Variants in TRIM33 observed in about 807,000 individuals in gnomAD.
The protein encoded by TRIM33 is E3 ubiquitin-protein ligase TRIM33.
A neutral mutation model predicts 125.4 loss-of-function variants in TRIM33; 20 were observed. The observed-to-expected ratio is 0.16, with a 90% confidence interval of 0.11 to 0.23. The LOEUF is 0.23. TRIM33 is among the 10% of genes least tolerant of loss of function. TRIM33 has a pLI of 1.00. For missense variants in TRIM33, 920 were observed against 1,411.4 expected, an observed-to-expected ratio of 0.65 and a Z score of 5.58; for synonymous variants, 564 against 513.9, an observed-to-expected ratio of 1.10 and a Z score of -1.32.
rs1048958124 is a variant in TRIM33 at position 114,395,919 on chromosome 1, T to C, written c.*1729A>G. On this transcript the variant is annotated 3_prime_UTR_variant, in exon 20 of 20. Coordinates refer to ENST00000358465, the MANE Select transcript of TRIM33 (RefSeq NM_015906.4). ...GAAAAACAACCCAAAGGAATTTGTATAATAATTTCTTTAGAGCACTTTATT... is the reference window on the plus strand; with the variant it reads ...GAAAAACAACCCAAAGGAATTTGTACAATAATTTCTTTAGAGCACTTTATT... 5.2e-6 allele frequency: 1 copy of C among 193,354 alleles called. No homozygotes were observed. Among genetic ancestry groups the C allele is most frequent in the Non-Finnish European group, 1.1e-5 (1 of 92,530 alleles). The allele number at this position is 193,354 out of a possible 1,614,324, so 12.0% of individuals were successfully genotyped here.
rs1651758319 is a variant in TRIM33 at position 114,399,730 on chromosome 1, T to C, written c.2968-121A>G. The C allele has an allele frequency of 8.8e-6, 7 of 798,426 alleles. No homozygotes were observed. In the East Asian group the frequency reaches 1.8e-4, roughly 21 times the overall value. The allele number at this position is 798,426 out of a possible 1,614,324, so 49.5% of individuals were successfully genotyped here. On this transcript the variant is annotated intron_variant, in intron 17 of 19. Transcript: ENST00000358465. ...TATTATAGAGCCAGCTGCTTGCAAA[T>C]TTTGAGTATAGACGTATGTACTTTA...
intron 4 of TRIM33, among the ~76,000 whole-genome samples, chr1:114,455,483 T>C (rs1649566072): frequency 6.6e-6 from 1 of 152,188 alleles, no homozygotes; most frequent in Non-Finnish European, 1.5e-5. Flanking sequence ...TGAGAAGCCT[T>C]ATCAGAAGTA....
At chr1:114,452,416 C>T (rs993220100) in intron 4 of TRIM33, among the ~76,000 whole-genome samples, 6 of 151,884 alleles carry the variant, frequency 4.0e-5, no homozygotes, top group Admixed American at 1.3e-4. Context: ...GCCCAGATCA[C>T]GCCACTACAC....
chr1:114,413,614 C>G (rs1369687579), intron 11 of TRIM33, among the ~76,000 whole-genome samples: 2 of 52,386 alleles, frequency 3.8e-5, no homozygotes, highest in Admixed American at 1.9e-4. Flanking sequence ...AGAAAAAGTC[C>G]AAAAGCAAAA....
intron 4 of TRIM33, chr1:114,460,376 T>C (rs1412767046): frequency 6.5e-6 from 1 of 153,672 alleles, no homozygotes; most frequent in African/African-American, 2.4e-5. Flanking sequence ...AGTAATCTTA[T>C]ATACAAACTT....
chr1:114,412,101 A>C (rs1652629773), intron 11 of TRIM33, among the ~76,000 whole-genome samples: 1 of 152,236 alleles, frequency 6.6e-6, no homozygotes, highest in Non-Finnish European at 1.5e-5. Flanking sequence ...CAATAATGTC[A>C]TTTTAATCCA....
rs1557912964 is a variant in TRIM33 at position 114,511,108 on chromosome 1, G to GCGCCGCCCGCCGCCCGCGTCGCCGCCGC, written c.-60_-33dup. ...CTCTTTGAACCCGCCGGACCGCCCC[G>GCGCCGCCCGCCGCCCGCGTCGCCGCCGC]CGCCGCCCGCCGCCCGCGTCGCCGC... On this transcript the variant is annotated 5_prime_UTR_variant, in exon 1 of 20. Transcript: ENST00000358465. 2 of 1,144,370 alleles carry GCGCCGCCCGCCGCCCGCGTCGCCGCCGC rather than the reference G, an allele frequency of 1.7e-6. No individual in the cohort carries two copies. Among genetic ancestry groups the GCGCCGCCCGCCGCCCGCGTCGCCGCCGC allele is most frequent in the Non-Finnish European group, 2.1e-6 (2 of 935,430 alleles). 70.9% of individuals were successfully genotyped at this position (1,144,370 alleles called of 1,614,324 possible). A position where few individuals can be genotyped will look rare whatever the true frequency, so the allele number is the denominator to read the frequency against.
At chr1:114,455,239 T>C (rs78459848) in intron 4 of TRIM33, among the ~76,000 whole-genome samples, 1,564 of 152,300 alleles carry the variant, frequency 0.01, 24 homozygotes, top group African/African-American at 0.035. Context: ...AAAGGGCAAC[T>C]ATCCTCCTCC....
chr1:114,443,217 A>C (rs1648765066), intron 4 of TRIM33, among the ~76,000 whole-genome samples: 2 of 151,828 alleles, frequency 1.3e-5, no homozygotes, highest in South Asian at 4.2e-4. Context: ...CCCCATCACT[A>C]CTAAAAATAC....
chr1:114,495,088 A>AT (rs982647662), intron 1 of TRIM33, among the ~76,000 whole-genome samples: 35 of 152,174 alleles, frequency 2.3e-4, no homozygotes, highest in African/African-American at 8.2e-4. Flanking sequence ...TAATTTTTGT[A>AT]TTTTTAGGTA....
intron 1 of TRIM33, among the ~76,000 whole-genome samples, chr1:114,465,957 C>T (rs1300201603): frequency 6.6e-6 from 1 of 151,774 alleles, no homozygotes; most frequent in Non-Finnish European, 1.5e-5. Flanking sequence ...ATAGGAGAAT[C>T]GCTTGAACCC....
At position 114,491,723 on chromosome 1, in the gene TRIM33, G is replaced by A. The variant is rs890368632; in HGVS notation, c.526+18828C>T. ...GGAGGCTGAGGTGAAAGGATCACTTGAGACCAGGAGGCAAAGGTTGCAGTA... is the reference window on the plus strand; with the variant it reads ...GGAGGCTGAGGTGAAAGGATCACTTAAGACCAGGAGGCAAAGGTTGCAGTA... On this transcript the variant is annotated intron_variant, in intron 1 of 19. Coordinates refer to ENST00000358465, the MANE Select transcript of TRIM33 (RefSeq NM_015906.4). 2.6e-5 allele frequency among the ~76,000 whole-genome samples: 4 copies of A among 152,256 alleles called. No homozygotes were observed. The East Asian group carries it at 7.7e-4, about 29-fold the overall frequency.
intron 11 of TRIM33, 72 bp downstream of exon 11, chr1:114,421,364 C>T: frequency 2.3e-6 from 3 of 1,290,464 alleles, no homozygotes; most frequent in South Asian, 1.4e-5. Context: ...AAAAAAAAAA[C>T]TCTGAAATAA....
At chr1:114,440,420 A>T (rs1197292496) in intron 4 of TRIM33, among the ~76,000 whole-genome samples, 1 of 152,188 alleles carries the variant, frequency 6.6e-6, no homozygotes, top group Non-Finnish European at 1.5e-5. Flanking sequence ...TACATATATA[A>T]GGAAAAACAG....
chr1:114,403,102 T>G (rs759731411), intron 15 of TRIM33, among the ~76,000 whole-genome samples: 9 of 152,190 alleles, frequency 5.9e-5, no homozygotes, highest in Non-Finnish European at 1.2e-4. Flanking sequence ...GAATGCATTA[T>G]AAAAATGGCA....
At chr1:114,484,291 C>T (rs1651535137) in intron 1 of TRIM33, among the ~76,000 whole-genome samples, 1 of 152,032 alleles carries the variant, frequency 6.6e-6, no homozygotes, top group African/African-American at 2.4e-5. Context: ...TCTAACCATG[C>T]CCACGTTTTA....
intron 1 of TRIM33, among the ~76,000 whole-genome samples, chr1:114,466,823 C>T (rs1205863652): frequency 6.6e-6 from 1 of 152,230 alleles, no homozygotes; most frequent in African/African-American, 2.4e-5. Context: ...GAACTCCTGA[C>T]CTCAGGTGAC....
chr1:114,489,819 T>A (rs912730197), intron 1 of TRIM33, among the ~76,000 whole-genome samples: 8 of 152,072 alleles, frequency 5.3e-5, no homozygotes, highest in African/African-American at 1.9e-4. Flanking sequence ...TGAACACACT[T>A]AACAGTGGGT....
chr1:114,404,051 C>T (rs1188820773), intron 15 of TRIM33, among the ~76,000 whole-genome samples: 1 of 152,180 alleles, frequency 6.6e-6, no homozygotes, highest in Non-Finnish European at 1.5e-5. Flanking sequence ...GATTCACTCC[C>T]TCTCTCTATA....
Sources: gnomAD v4.1 joint callset for allele counts (sites outside exome capture counted in the v4.1 genomes callset) on GRCh38, gnomAD v4.1.1 for gene constraint, MANE v1.5 for transcripts, NCBI Gene and HGNC (gene_info 2026-07-23, HGNC 2026-07-21) for gene names.